KLHL32: variants seen among roughly 807,000 people sequenced by gnomAD.
KLHL32 encodes kelch like family member 32.
Under a neutral mutation model 64.8 loss-of-function variants are expected in KLHL32, and 35 were observed. The ratio of observed to expected loss-of-function variants is 0.54; its 90% CI spans 0.41 to 0.72. The LOEUF (loss-of-function observed/expected upper bound fraction) is 0.72, where lower values mean the gene tolerates loss of function less well. KLHL32 is among the 30% of genes least tolerant of loss of function. The pLI is 0.00. For synonymous variants in KLHL32, 259 were observed against 281.0 expected, an observed-to-expected ratio of 0.92 and a Z score of 0.78; for missense variants, 589 against 768.5, an observed-to-expected ratio of 0.77 and a Z score of 2.76.
At position 97,057,434 on chromosome 6, in the gene KLHL32, G is replaced by A. The variant is rs1198278983; in HGVS notation, c.313-7194G>A. ...CCTGACCTCGTGATCCGCCCGTCTCGGCCTCCCAAAGTGCTGGGATTACAG... is the reference window on the plus strand; with the variant it reads ...CCTGACCTCGTGATCCGCCCGTCTCAGCCTCCCAAAGTGCTGGGATTACAG... On this transcript the variant is annotated intron_variant, in intron 4 of 10. Transcript: ENST00000369261. Among the ~76,000 whole-genome samples the A allele has an allele frequency of 3.4e-5, 3 of 89,090 alleles. 1 individual carries two copies. The highest frequency in any genetic ancestry group is 2.8e-4 in the South Asian group (1 of 3,530). The allele number at this position is 89,090 out of a possible 152,430, so 58.4% of individuals were successfully genotyped here. A position where few individuals can be genotyped will look rare whatever the true frequency, so the allele number is the denominator to read the frequency against.
chr6:96,915,788 A>AG, the KLHL32 span, among the ~76,000 whole-genome samples: 1 of 152,202 alleles, frequency 6.6e-6, no homozygotes, highest in Non-Finnish European at 1.5e-5. Flanking sequence ...ATGCCACCCC[A>AG]AAATATGCCA....
At chr6:96,996,715 C>T (rs1462036443) in intron 3 of KLHL32, among the ~76,000 whole-genome samples, 1 of 152,050 alleles carries the variant, frequency 6.6e-6, no homozygotes, top group Non-Finnish European at 1.5e-5. Flanking sequence ...ACAATAATAA[C>T]TAATTAATAT....
At chr6:96,911,821 C>CTTT in the KLHL32 span, among the ~76,000 whole-genome samples, 26 of 53,508 alleles carry the variant, frequency 4.9e-4, no homozygotes, top group African/African-American at 1.3e-3. Context: ...CTGCTCGGTC[C>CTTT]TTCTTTTTTT....
intron 3 of KLHL32, among the ~76,000 whole-genome samples, chr6:96,990,742 T>C (rs1028274423): frequency 7.0e-6 from 1 of 143,366 alleles, no homozygotes; most frequent in East Asian, 2.1e-4. Flanking sequence ...AGCTGTGTTA[T>C]GGGCCCAAGC....
chr6:96,999,548 G>T, intron 3 of KLHL32: 1 of 979,880 alleles, frequency 1.0e-6, no homozygotes, highest in South Asian at 4.7e-5. Flanking sequence ...GTATAAAAAG[G>T]TAAAAATCCA....
intron 6 of KLHL32, among the ~76,000 whole-genome samples, chr6:97,090,127 T>C (rs1269893163): frequency 6.6e-6 from 1 of 152,186 alleles, no homozygotes; most frequent in Non-Finnish European, 1.5e-5. Context: ...GTGTTTGCAT[T>C]ACCTACTGCT....
intron 3 of KLHL32, among the ~76,000 whole-genome samples, chr6:97,022,135 A>G (rs1782079963): frequency 6.6e-6 from 1 of 150,882 alleles, no homozygotes; most frequent in Non-Finnish European, 1.5e-5. Flanking sequence ...CAGTGAACCC[A>G]CTGAAAACAC....
At chr6:96,980,950 G>A (rs1017162018) in intron 3 of KLHL32, among the ~76,000 whole-genome samples, 1 of 149,458 alleles carries the variant, frequency 6.7e-6, no homozygotes, top group Non-Finnish European at 1.5e-5. Flanking sequence ...AGAAGGGGAA[G>A]CAAACATGTC....
At chr6:96,973,093 A>G (rs985375734) in intron 2 of KLHL32, among the ~76,000 whole-genome samples, 2 of 152,248 alleles carry the variant, frequency 1.3e-5, no homozygotes, top group Non-Finnish European at 2.9e-5. Context: ...TATTGGTTCC[A>G]AAATATTTGG....
intron 3 of KLHL32, among the ~76,000 whole-genome samples, chr6:97,020,988 T>C (rs1781908801): frequency 6.6e-6 from 1 of 150,828 alleles, no homozygotes; most frequent in Non-Finnish European, 1.5e-5. Flanking sequence ...TATAGGGTAG[T>C]ATATATGTAT....
chr6:97,123,209 G>A (rs1224896160), intron 7 of KLHL32, among the ~76,000 whole-genome samples: 1 of 152,166 alleles, frequency 6.6e-6, no homozygotes, highest in African/African-American at 2.4e-5. Context: ...TATTTTATGA[G>A]CACTGCCGGC....
intron 3 of KLHL32, among the ~76,000 whole-genome samples, chr6:97,028,567 T>A (rs145677060): frequency 7.7e-4 from 118 of 152,334 alleles, no homozygotes; most frequent in Middle Eastern, 3.4e-3. Context: ...TTTTCTCTGA[T>A]CCATGCAGAC....
chr6:97,128,073 A>T, intron 8 of KLHL32, among the ~76,000 whole-genome samples: 1 of 152,102 alleles, frequency 6.6e-6, no homozygotes, highest in Non-Finnish European at 1.5e-5. Context: ...GAATTTTGCC[A>T]TTTCTATGAT....
chr6:97,055,952 A>G (rs1787791583), intron 4 of KLHL32, among the ~76,000 whole-genome samples: 2 of 151,526 alleles, frequency 1.3e-5, no homozygotes, highest in Non-Finnish European at 2.9e-5. Context: ...TCACTTTTCC[A>G]CTCCAAGTCT....
intron 4 of KLHL32, among the ~76,000 whole-genome samples, chr6:97,046,424 T>C (rs958124318): frequency 2.6e-5 from 4 of 152,156 alleles, no homozygotes; most frequent in Non-Finnish European, 5.9e-5. Flanking sequence ...TGTTATACTT[T>C]GTTGAAGGAG....
At chr6:96,940,878 C>T (rs1254558728) in intron 1 of KLHL32, among the ~76,000 whole-genome samples, 1 of 152,188 alleles carries the variant, frequency 6.6e-6, no homozygotes, top group African/African-American at 2.4e-5. Context: ...AACAATAATA[C>T]ACCCATAATT....
chr6:96,980,295 G>T (rs1021915534), intron 3 of KLHL32, among the ~76,000 whole-genome samples: 5 of 152,132 alleles, frequency 3.3e-5, no homozygotes, highest in South Asian at 2.1e-4. Flanking sequence ...GTTGGTGTGG[G>T]TTTGTCATAG....
At chr6:97,055,502 A>G (rs904140577) in intron 4 of KLHL32, among the ~76,000 whole-genome samples, 2 of 152,036 alleles carry the variant, frequency 1.3e-5, no homozygotes, top group Non-Finnish European at 2.9e-5. Flanking sequence ...GCTCACCTTT[A>G]AGAATCCTTT....
At chr6:96,919,512 G>T in the KLHL32 span, among the ~76,000 whole-genome samples, 1 of 152,060 alleles carries the variant, frequency 6.6e-6, no homozygotes, top group South Asian at 2.1e-4. Flanking sequence ...CTTCTACCAG[G>T]TTTATATATG....
Sources: allele counts gnomAD v4.1 joint callset (sites outside exome capture counted in the v4.1 genomes callset), GRCh38; gene constraint gnomAD v4.1.1; transcripts MANE v1.5; gene names NCBI Gene and HGNC (gene_info 2026-07-23, HGNC 2026-07-21).